Variants in NDST4 observed in about 807,000 individuals in gnomAD.
NDST4 encodes the protein N-deacetylase and N-sulfotransferase 4, also known as N-heparan sulfate sulfotransferase 4.
NDST4 carries 63 observed loss-of-function variants against 100.8 expected under a neutral mutation model. The observed-to-expected ratio is 0.62, with a 90% CI of 0.51 to 0.77. NDST4 has a LOEUF of 0.77. Ranked by LOEUF, NDST4 falls within the 30% of genes least tolerant of loss-of-function variation. The pLI, the probability that NDST4 is intolerant of heterozygous loss-of-function variation, is 0.00. For synonymous variants in NDST4, 377 were observed against 361.8 expected, an observed-to-expected ratio of 1.04 and a Z score of -0.48; for missense variants, 943 against 1,018.4, an observed-to-expected ratio of 0.93 and a Z score of 1.01.
chr4:114,935,138 AAGAC>A, intron 6 of NDST4, 64 bp downstream of exon 6: 1 of 1,235,858 alleles, frequency 8.1e-7, no homozygotes. Context: ...TTTAGTTTAA[AAGAC>A]AGGAAAATAA....
At position 115,102,704 on chromosome 4, in the gene NDST4, CTT is replaced by C. The variant is rs751431042; in HGVS notation, c.-247+10738_-247+10739del. ...TTATATACCATATACTTCTGACTTC[CTT>C]TTTTTTTTTTTTTTTTTTTGACATG... On this transcript the variant is annotated intron_variant, in intron 1 of 13. Transcript: ENST00000264363. 2.7e-3 allele frequency among the ~76,000 whole-genome samples: 245 copies of C among 90,554 alleles called. 2 individuals carry two copies. The highest frequency in any genetic ancestry group is 0.011 in the African/African-American group (225 of 20,734). The allele number at this position is 90,554 out of a possible 152,430, so 59.4% of individuals were successfully genotyped here. A position where few individuals can be genotyped will look rare whatever the true frequency, so the allele number is the denominator to read the frequency against.
chr4:114,927,239 TGTGTG>T (rs1725405408), intron 6 of NDST4, among the ~76,000 whole-genome samples: 2 of 151,836 alleles, frequency 1.3e-5, no homozygotes, highest in Non-Finnish European at 2.9e-5. Flanking sequence ...TGTGTGTGTG[TGTGTG>T]TTTTACAATG....
In NDST4 at chr4:114,972,373, C is replaced by T. The variant is rs142341947; in HGVS notation, c.1067-1789G>A. The stretch of plus-strand genomic sequence containing the variant: ...CCTTCAGGTTTAATTAGGGCTTTGG[C>T]ACCTTCAATGCTACTACACAGAGTT... On this transcript the variant is annotated intron_variant, in intron 3 of 13. Coordinates refer to ENST00000264363, the MANE Select transcript of NDST4 (RefSeq NM_022569.3). 2.7e-3 allele frequency among the ~76,000 whole-genome samples: 403 copies of T among 151,956 alleles called. 1 individual carries two copies. The highest frequency in any genetic ancestry group is 9.4e-3 in the African/African-American group (389 of 41,516).
At chr4:114,891,037 T>C (rs940171254) in intron 6 of NDST4, among the ~76,000 whole-genome samples, 5 of 152,098 alleles carry the variant, frequency 3.3e-5, no homozygotes, top group African/African-American at 1.2e-4. Flanking sequence ...CTTTTGAAAG[T>C]CACTAATGAC....
intron 2 of NDST4, among the ~76,000 whole-genome samples, chr4:115,044,293 T>A (rs920926989): frequency 3.9e-5 from 6 of 152,026 alleles, no homozygotes; most frequent in Non-Finnish European, 7.4e-5. Flanking sequence ...ATATGTTCAC[T>A]AAAATTAAGA....
Position 114,838,932 on chromosome 4 carries a change from G to A in NDST4, c.2286+446C>T, listed in dbSNP as rs547553277. 9.2e-5 allele frequency among the ~76,000 whole-genome samples: 14 copies of A among 151,916 alleles called. No homozygotes were observed. The South Asian group carries it at 1.9e-3, about 20-fold the overall frequency. On this transcript the variant is annotated intron_variant, in intron 11 of 13. Coordinates refer to ENST00000264363, the MANE Select transcript of NDST4 (RefSeq NM_022569.3). ...CTCCCCATTTGGCAGCCTAGTGCAT[G>A]ACCTTCTTTCCTTATAAGGGCCATA...
At chr4:115,027,333 C>G (rs1728008756) in intron 2 of NDST4, among the ~76,000 whole-genome samples, 1 of 152,110 alleles carries the variant, frequency 6.6e-6, no homozygotes, top group Non-Finnish European at 1.5e-5. Context: ...AACAGTTTGC[C>G]AACCCATGCA....
chr4:114,869,053 C>T (rs1191431810), intron 7 of NDST4, among the ~76,000 whole-genome samples: 1 of 151,048 alleles, frequency 6.6e-6, no homozygotes, highest in Non-Finnish European at 1.5e-5. Context: ...CCCTAATCCA[C>T]CAGCACTGTA....
intron 2 of NDST4, among the ~76,000 whole-genome samples, chr4:115,071,224 T>C (rs1729070388): frequency 6.6e-6 from 1 of 151,798 alleles, no homozygotes; most frequent in Admixed American, 6.6e-5. Flanking sequence ...AACAGTATGA[T>C]TCAGAATCTC....
chr4:115,013,754 A>G (rs1727612481), intron 2 of NDST4, among the ~76,000 whole-genome samples: 1 of 151,912 alleles, frequency 6.6e-6, no homozygotes, highest in Admixed American at 6.6e-5. Flanking sequence ...TAGAATCCCT[A>G]TATTGGTTTC....
intron 2 of NDST4, among the ~76,000 whole-genome samples, chr4:115,014,576 T>C (rs1727633778): frequency 6.6e-6 from 1 of 151,848 alleles, no homozygotes; most frequent in African/African-American, 2.4e-5. Context: ...TTTAGTAGGG[T>C]TCAGAACAGA....
chr4:115,055,880 T>G (rs1728683302), intron 2 of NDST4, among the ~76,000 whole-genome samples: 1 of 152,170 alleles, frequency 6.6e-6, no homozygotes, highest in Non-Finnish European at 1.5e-5. Flanking sequence ...TCATTGTTCA[T>G]GTTACTCACA....
rs903951624 is a variant in NDST4 at position 114,941,159 on chromosome 4, A to G, written c.1222-3656T>C. Among the ~76,000 whole-genome samples, 5 of 152,194 alleles carry G rather than the reference A, an allele frequency of 3.3e-5. No individual in the cohort carries two copies. The South Asian group carries it at 1.0e-3, about 31-fold the overall frequency. ...TACATTTACGTGTAATATGATTCTC[A>G]TAATCATTCTGTGAGGAGGACTGGA... On this transcript the variant is annotated intron_variant, in intron 4 of 13. Coordinates refer to ENST00000264363, the MANE Select transcript of NDST4 (RefSeq NM_022569.3).
chr4:114,952,140 T>C (rs943501318), intron 4 of NDST4, among the ~76,000 whole-genome samples: 6 of 152,088 alleles, frequency 3.9e-5, no homozygotes. Flanking sequence ...GAAAGAATGA[T>C]TTTTAAGGCT....
chr4:115,019,811 T>A (rs767984708), intron 2 of NDST4, among the ~76,000 whole-genome samples: 29 of 152,022 alleles, frequency 1.9e-4, no homozygotes, highest in Non-Finnish European at 3.7e-4. Context: ...GATAAAAGGA[T>A]AAAGTTGGGC....
chr4:114,913,940 C>T (rs1250934245), intron 6 of NDST4, among the ~76,000 whole-genome samples: 1 of 151,860 alleles, frequency 6.6e-6, no homozygotes, highest in East Asian at 1.9e-4. Context: ...CTACTGTGAA[C>T]AGTAACAGAT....
At chr4:114,999,327 T>A (rs2126255119) in intron 2 of NDST4, among the ~76,000 whole-genome samples, 1 of 152,142 alleles carries the variant, frequency 6.6e-6, no homozygotes, top group South Asian at 2.1e-4. Context: ...ACTAGTGGTG[T>A]GACCATTTAG....
chr4:114,937,289 C>T (rs757281152), intron 5 of NDST4, 29 bp downstream of exon 5: 4 of 1,608,376 alleles, frequency 2.5e-6, no homozygotes, highest in South Asian at 1.1e-5. Flanking sequence ...TATTAACATC[C>T]TTCAATATAC....
At position 114,873,486 on chromosome 4, in the gene NDST4, TA is replaced by T. The variant is rs144861524; in HGVS notation, c.1537-2537del. Among the ~76,000 whole-genome samples the T allele has an allele frequency of 6.3e-3, 954 of 152,022 alleles. 8 individuals carry two copies. Among genetic ancestry groups the T allele is most frequent in the African/African-American group, 0.022 (918 of 41,532 alleles). On this transcript the variant is annotated intron_variant, in intron 6 of 13. Coordinates refer to ENST00000264363, the MANE Select transcript of NDST4 (RefSeq NM_022569.3). ...TAAAATCATTATATCAACTAATATT[TA>T]GGGGTTTAACTTAAATTTCTACCTA...
Sources: allele counts gnomAD v4.1 joint callset (sites outside exome capture counted in the v4.1 genomes callset), GRCh38; gene constraint gnomAD v4.1.1; transcripts MANE v1.5; gene names NCBI Gene and HGNC (gene_info 2026-07-23, HGNC 2026-07-21).